The following NLRC3 variants were observed in gnomAD, a reference collection of about 807,000 sequenced individuals.
The protein encoded by NLRC3 is NLR family CARD domain-containing protein 3.
A neutral mutation model predicts 91.6 loss-of-function variants in NLRC3; 87 were observed. That is an observed-to-expected ratio of 0.95 (90% confidence interval 0.80 to 1.14). The LOEUF is 1.14. NLRC3 is among the 50% of genes most tolerant of loss of function. The probability of loss-of-function intolerance (pLI) is 0.00; values close to 1 mark genes in which losing one functional copy is unlikely to be tolerated. For synonymous variants in NLRC3, 694 were observed against 625.3 expected (o/e 1.11, Z -1.64); for missense variants, 1,577 against 1,418.6 (o/e 1.11, Z -1.79).
At position 3,563,087 on chromosome 16, in the gene NLRC3, T is replaced by A; in HGVS notation, c.1850A>T (p.Glu617Val). 6.4e-7 allele frequency: 1 copy of A among 1,572,150 alleles called. No individual in the cohort carries two copies. The highest frequency in any genetic ancestry group is 8.6e-7 in the Non-Finnish European group (1 of 1,159,366). ...GCTGAGGCTCAGGGACAGGTTGGCC[T>A]CCTGGGCACAGGCGTCGGACACCTG... is the stretch of plus-strand genomic sequence containing the variant. ...LLQVSDACAQ[E>V]ANLSLSLSQG... The change falls in exon 5 of 20, where the codon GAG becomes GTG. Residue 617 changes from glutamate to valine, a missense_variant. Transcript: ENST00000359128.
chr16:3,573,011 CAA>C (rs58940028), intron 1 of NLRC3, among the ~76,000 whole-genome samples: 88 of 75,240 alleles, frequency 1.2e-3, no homozygotes, highest in African/African-American at 3.7e-3. Flanking sequence ...GACTCTATCT[CAA>C]AAAAAAAAAA....
chr16:3,571,383 CA>C (rs111740606), intron 1 of NLRC3, among the ~76,000 whole-genome samples: 14,607 of 138,872 alleles, frequency 0.11, 844 homozygotes, highest in African/African-American at 0.18. Context: ...ACCATCTCTA[CA>C]AAAAAAAAAA....
chr16:3,546,422 T>C (rs111497637), intron 15 of NLRC3, among the ~76,000 whole-genome samples: 11 of 134,162 alleles, frequency 8.2e-5, no homozygotes, highest in African/African-American at 2.5e-4. Flanking sequence ...CTGGGCGTGG[T>C]GTTGGGCACC....
intron 1 of NLRC3, among the ~76,000 whole-genome samples, chr16:3,567,993 G>A (rs982471310): frequency 1.3e-5 from 2 of 151,546 alleles, no homozygotes; most frequent in African/African-American, 4.8e-5. Context: ...AGCCTCCCAA[G>A]TATCTGGGAT....
intron 6 of NLRC3, 123 bp from the exon 7 acceptor site, chr16:3,557,799 T>TG: frequency 1.5e-6 from 1 of 657,296 alleles, no homozygotes; most frequent in Non-Finnish European, 2.7e-6. Context: ...TGGACATAGG[T>TG]GGAGATGAGG....
intron 15 of NLRC3, among the ~76,000 whole-genome samples, chr16:3,547,825 T>A (rs2038778427): frequency 6.6e-6 from 1 of 152,074 alleles, no homozygotes; most frequent in African/African-American, 2.4e-5. Flanking sequence ...TGTGCCACCA[T>A]GCCCGGCTAA....
At position 3,568,805 on chromosome 16, in the gene NLRC3, T is replaced by TTA. The variant is rs573841035; in HGVS notation, c.-168-1483_-168-1482dup. 1.3e-3 allele frequency among the ~76,000 whole-genome samples: 191 copies of TTA among 152,314 alleles called. No individual in the cohort carries two copies. In the Middle Eastern group the frequency reaches 0.014, roughly 11 times the overall value. ...CATGTGGGTAATTTGAGGTCCTTCT[T>TTA]TAGATCCTTCTGTAAAACTTTATAT... On this transcript the variant is annotated intron_variant, in intron 1 of 19. Transcript: ENST00000359128.
At chr16:3,543,991 T>TA in intron 16 of NLRC3, 1 of 464,302 alleles carries the variant, frequency 2.2e-6, no homozygotes, top group Non-Finnish European at 3.9e-6. Flanking sequence ...CCGTCTCTAC[T>TA]AAAAATACAA....
At chr16:3,567,866 C>T (rs1437935832) in intron 1 of NLRC3, among the ~76,000 whole-genome samples, 1 of 139,318 alleles carries the variant, frequency 7.2e-6, no homozygotes, top group South Asian at 2.6e-4. Flanking sequence ...CTAGCTTTTT[C>T]TTTCTTTCTT....
intron 6 of NLRC3, among the ~76,000 whole-genome samples, chr16:3,558,504 A>G (rs2039456906): frequency 6.6e-6 from 1 of 152,100 alleles, no homozygotes; most frequent in Non-Finnish European, 1.5e-5. Context: ...TAGGCACACT[A>G]CTGATCCTAG....
At chr16:3,551,886 C>T (rs1459404009) in intron 10 of NLRC3, among the ~76,000 whole-genome samples, 2 of 151,558 alleles carry the variant, frequency 1.3e-5, no homozygotes, top group Admixed American at 6.6e-5. Flanking sequence ...TCCACCCACC[C>T]ATATACTCAT....
intron 2 of NLRC3, among the ~76,000 whole-genome samples, chr16:3,566,206 A>G (rs1026046491): frequency 3.3e-5 from 5 of 149,794 alleles, no homozygotes; most frequent in Non-Finnish European, 7.4e-5. Context: ...TAATCAATGG[A>G]CCACTGTGGC....
chr16:3,543,034 G>T, intron 17 of NLRC3: 1 of 528,464 alleles, frequency 1.9e-6, no homozygotes, highest in East Asian at 3.2e-5. Context: ...GAAAAGCGGG[G>T]CTGAGACAGG....
At chr16:3,542,384 A>C in intron 18 of NLRC3, 110 bp from the exon 19 acceptor site, 1 of 738,130 alleles carries the variant, frequency 1.4e-6, no homozygotes, top group South Asian at 1.5e-5. Flanking sequence ...AGATGTGTCC[A>C]CAGGTGCCAT....
intron 1 of NLRC3, among the ~76,000 whole-genome samples, chr16:3,574,592 ACTCCCTC>A (rs1449847553): frequency 6.6e-6 from 1 of 151,738 alleles, no homozygotes; most frequent in Non-Finnish European, 1.5e-5. Flanking sequence ...GGGAGTCAGC[ACTCCCTC>A]CTGATCAGAC....
At chr16:3,552,492 T>G (rs2039068835) in intron 9 of NLRC3, among the ~76,000 whole-genome samples, 1 of 152,190 alleles carries the variant, frequency 6.6e-6, no homozygotes, top group African/African-American at 2.4e-5. Flanking sequence ...TCAGGGCAGC[T>G]GAGCCTCCCT....
rs199475943 is a variant in NLRC3, at chr16:3,549,162, G to A, written c.2583C>T (p.Asn861=). 1.3e-6 allele frequency: 2 copies of A among 1,582,612 alleles called. No individual in the cohort carries two copies. The highest frequency in any genetic ancestry group is 1.8e-5 in the Admixed American group (1 of 55,210). Residue 861 remains asparagine, a synonymous_variant, in exon 13 of 20, where the codon AAC becomes AAT. Coordinates refer to ENST00000359128, the MANE Select transcript of NLRC3 (RefSeq NM_178844.4). ...CGTACTCCAGGTTCTTCAGGGTGCT[G>A]TTGGCGCAGAGGGCATGAGCGATGG... The part of the protein sequence containing the change: ...AQAIAHALCA[N]STLKNLDLTA...
Position 3,556,964 on chromosome 16 carries a change from C to A in NLRC3, c.2130G>T (p.Gly710=). 1.2e-6 allele frequency: 2 copies of A among 1,613,718 alleles called. No homozygotes were observed. The highest frequency in any genetic ancestry group is 2.2e-5 in the South Asian group (2 of 91,060). ...TCAAAGCGTCTGCCAGCGCCTTGGC[C>A]CCTTGTGGTCCAATGGAGTTACCGC... is the stretch of plus-strand genomic sequence containing the variant. ...DLRGNSIGPQ[G]AKALADALKI... Residue 710 remains glycine (G), a synonymous_variant, in exon 8 of 20, where the codon GGG becomes GGT. Coordinates refer to ENST00000359128, the MANE Select transcript of NLRC3 (RefSeq NM_178844.4).
intron 1 of NLRC3, among the ~76,000 whole-genome samples, chr16:3,570,939 G>C (rs1333340895): frequency 2.0e-5 from 3 of 152,076 alleles, no homozygotes; most frequent in Non-Finnish European, 2.9e-5. Flanking sequence ...AACCAACCTT[G>C]CATTCTAGAA....
Sources: allele counts gnomAD v4.1 joint callset (sites outside exome capture counted in the v4.1 genomes callset), GRCh38; gene constraint gnomAD v4.1.1; transcripts MANE v1.5; gene names NCBI Gene and HGNC (gene_info 2026-07-23, HGNC 2026-07-21).